Variants in SPO11 observed in about 807,000 individuals in gnomAD.
The protein encoded by SPO11 is meiotic recombination protein SPO11.
Under a neutral mutation model 51.6 loss-of-function variants are expected in SPO11, and 49 were observed. The ratio of observed to expected loss-of-function variants is 0.95; its 90% CI spans 0.75 to 1.20. The LOEUF is 1.20. Among genes scored for constraint, SPO11 ranks in the 50% most tolerant of loss-of-function variants. SPO11 has a pLI of 0.00. For synonymous variants in SPO11, 176 were observed against 158.2 expected, an observed-to-expected ratio of 1.11 and a Z score of -0.84; for missense variants, 431 against 473.4, an observed-to-expected ratio of 0.91 and a Z score of 0.83.
At chr20:57,342,693 C>A in intron 11 of SPO11, 36 bp from the exon 12 acceptor site, 1 of 1,391,070 alleles carries the variant, frequency 7.2e-7, no homozygotes, top group South Asian at 1.2e-5. Flanking sequence ...TACAGAAACA[C>A]TTTTTTACTG....
At chr20:57,331,278 C>A (rs904531394) in intron 1 of SPO11, among the ~76,000 whole-genome samples, 2 of 152,148 alleles carry the variant, frequency 1.3e-5, no homozygotes, top group African/African-American at 4.8e-5. Flanking sequence ...AGTGATTAAA[C>A]GTTTTCCTTT....
intron 3 of SPO11, 113 bp from the exon 4 acceptor site, chr20:57,333,574 A>G (rs1356732840): frequency 8.5e-6 from 6 of 707,278 alleles, no homozygotes; most frequent in Non-Finnish European, 1.5e-5. Flanking sequence ...CCCATTTTGG[A>G]AAGATAATTT....
chr20:57,329,883 A>G lies in SPO11; in HGVS notation c.16A>G (p.Met6Val), dbSNP rs1412038117. MAFAP[M>V]GPEASFFDVL... ...GTCTGCCCTCATGGCCTTTGCACCTATGGGGCCCGAGGCCTCGTTCTTCGA... is the reference window on the plus strand; with the variant it reads ...GTCTGCCCTCATGGCCTTTGCACCTGTGGGGCCCGAGGCCTCGTTCTTCGA... Residue 6 changes from methionine (M) to valine (V), a missense_variant, in exon 1 of 13, where the codon ATG becomes GTG. By Grantham distance (21) the Met-to-Val change is conservative. Coordinates refer to ENST00000371263, the MANE Select transcript of SPO11 (RefSeq NM_012444.3). The G allele has an allele frequency of 5.0e-6, 8 of 1,613,692 alleles. No homozygotes were observed. The highest frequency in any genetic ancestry group is 6.8e-6 in the Non-Finnish European group (8 of 1,179,794).
chr20:57,338,475 T>G, intron 9 of SPO11, 100 bp downstream of exon 9: 8 of 834,944 alleles, frequency 9.6e-6, no homozygotes, highest in Non-Finnish European at 1.3e-5. Flanking sequence ...TGAGATTGAG[T>G]CCTGCTCTGT....
chr20:57,340,161 C>A lies in SPO11; in HGVS notation c.942C>A (p.Leu314=). The A allele has an allele frequency of 6.2e-7, 1 of 1,607,388 alleles. No individual in the cohort carries two copies. The highest frequency in any genetic ancestry group is 8.5e-7 in the Non-Finnish European group (1 of 1,173,976). The change falls in exon 11 of 13, where the codon CTC becomes CTA. Residue 314 remains leucine (L), a synonymous_variant. Coordinates refer to ENST00000371263, the MANE Select transcript of SPO11 (RefSeq NM_012444.3). The part of the protein sequence containing the change: ...TVPAIRWLGL[L]PSDLKRLNVP... ...CAGCTATTAGATGGCTTGGTCTTCT[C>A]CCTTCTGATCTTAAAAGGTTAGATA... is the stretch of plus-strand genomic sequence containing the variant.
rs367605105 is a variant in SPO11 at position 57,334,821 on chromosome 20, T to C, written c.582T>C (p.Cys194=). The C allele has an allele frequency of 1.2e-6, 2 of 1,613,814 alleles. No individual in the cohort carries two copies. The highest frequency in any genetic ancestry group is 1.7e-6 in the Non-Finnish European group (2 of 1,179,772). ...YIEEDGTKVN[C]TCGATAVAVP... ...AGGAAGATGGCACCAAAGTGAATTG[T>C]ACCTGTGGTGCAACGGTAAGAAGCA... Residue 194 remains cysteine (C), a synonymous_variant, in exon 6 of 13, where the codon TGT becomes TGC. Transcript: ENST00000371263.
At chr20:57,338,134 C>CA in intron 8 of SPO11, 142 bp from the exon 9 acceptor site, 1 of 645,766 alleles carries the variant, frequency 1.5e-6, no homozygotes, top group East Asian at 2.8e-5. Context: ...TGATCGATCC[C>CA]CCTACCTTGG....
chr20:57,333,565 C>T, intron 3 of SPO11, 122 bp from the exon 4 acceptor site: 1 of 683,486 alleles, frequency 1.5e-6, no homozygotes, highest in East Asian at 2.7e-5. Flanking sequence ...CTTAACCCTC[C>T]CATTTTGGAA....
chr20:57,343,480 C>T lies in SPO11; in HGVS notation c.*20C>T. 6.3e-7 allele frequency: 1 copy of T among 1,581,524 alleles called. No individual in the cohort carries two copies. The highest frequency in any genetic ancestry group is 8.6e-7 in the Non-Finnish European group (1 of 1,169,546). Reference sequence around the variant, plus strand: ...ATATAAAAATAAATCAGAAGAACTTCTGATTGCCAGAGGCTTTTCATTAGT... The same window carrying T: ...ATATAAAAATAAATCAGAAGAACTTTTGATTGCCAGAGGCTTTTCATTAGT... On this transcript the variant is annotated 3_prime_UTR_variant, in exon 13 of 13. Transcript: ENST00000371263.
chr20:57,336,710 C>T (rs534500430), intron 8 of SPO11, among the ~76,000 whole-genome samples: 38 of 152,296 alleles, frequency 2.5e-4, no homozygotes, highest in Non-Finnish European at 4.3e-4. Flanking sequence ...TCCTTTAACC[C>T]TGTTTGACTC....
intron 7 of SPO11, 38 bp from the exon 8 acceptor site, chr20:57,335,760 A>T (rs1240487803): frequency 1.6e-6 from 2 of 1,265,814 alleles, no homozygotes; most frequent in Admixed American, 3.7e-5. Context: ...TTAAATTGAA[A>T]TACTCTTGCT....
At chr20:57,338,446 CTTTT>C (rs113456122) in intron 9 of SPO11, 71 bp downstream of exon 9, 9 of 915,096 alleles carry the variant, frequency 9.8e-6, no homozygotes, top group Admixed American at 5.7e-5. Flanking sequence ...TTTTCTTCCT[CTTTT>C]TTTTTTTTTC....
Position 57,329,858 on chromosome 20 carries a change from G to A in SPO11, c.-10G>A, listed in dbSNP as rs758221386. On this transcript the variant is annotated 5_prime_UTR_variant, in exon 1 of 13. Transcript: ENST00000371263. ...GGGGCTTCTGGAGCTTCTGGCAGCC[G>A]TCTGCCCTCATGGCCTTTGCACCTA... The A allele has an allele frequency of 3.1e-6, 5 of 1,610,650 alleles. No homozygotes were observed. The Admixed American group carries it at 5.0e-5, about 16-fold the overall frequency.
chr20:57,335,435 C>T lies in SPO11; in HGVS notation c.614C>T (p.Ser205Leu), dbSNP rs754164090. 9.9e-6 allele frequency: 16 copies of T among 1,609,832 alleles called. No individual in the cohort carries two copies. The highest frequency in any genetic ancestry group is 4.0e-5 in the African/African-American group (3 of 74,768). The change falls in exon 7 of 13, where the codon TCG (serine) becomes TTG (leucine). Residue 205 changes from serine to leucine, a missense_variant. Physicochemically the swap from Ser to Leu is moderately radical, Grantham distance 145. Transcript: ENST00000371263. ...TTTTAAAAGGCTGTTGCTGTGCCAT[C>T]GAATATTCAAGGAATTCGGAGTATC... ...TCGATAVAVP[S>L]NIQGIRNLVT...
rs903607349 is a variant in SPO11 at position 57,335,466 on chromosome 20, A to G, written c.634+11A>G. On this transcript the variant is annotated intron_variant, in intron 7 of 12. Coordinates refer to ENST00000371263, the MANE Select transcript of SPO11 (RefSeq NM_012444.3). ...TTCAAGGAATTCGGAGTATCCTTTA[A>G]GTGGGAAAACTATTTAAACTTTTGG... is the stretch of plus-strand genomic sequence containing the variant. 2.5e-6 allele frequency: 4 copies of G among 1,608,904 alleles called. No individual in the cohort carries two copies. Among genetic ancestry groups the G allele is most frequent in the African/African-American group, 2.7e-5 (2 of 74,668 alleles).
intron 4 of SPO11, 31 bp from the exon 5 acceptor site, chr20:57,333,955 TA>T: frequency 7.9e-7 from 1 of 1,270,324 alleles, no homozygotes. Context: ...AGAATATAGT[TA>T]ATTAAAAATA....
intron 12 of SPO11, 115 bp from the exon 13 acceptor site, chr20:57,343,226 T>C: frequency 7.9e-7 from 1 of 1,261,388 alleles, no homozygotes; most frequent in Non-Finnish European, 1.1e-6. Context: ...GGCTGACCCT[T>C]AAGACTATTG....
chr20:57,333,091 G>A, intron 2 of SPO11, 97 bp from the exon 3 acceptor site: 2 of 814,568 alleles, frequency 2.5e-6, no homozygotes, highest in Non-Finnish European at 3.9e-6. Flanking sequence ...AAGAAATGTG[G>A]GTTTTAAATG....
intron 8 of SPO11, 133 bp from the exon 9 acceptor site, chr20:57,338,143 G>A: frequency 1.5e-6 from 1 of 672,896 alleles, no homozygotes; most frequent in Non-Finnish European, 2.5e-6. Flanking sequence ...CCCCTACCTT[G>A]GCCTCCCAAC....
Sources: allele counts gnomAD v4.1 joint callset (sites outside exome capture counted in the v4.1 genomes callset), GRCh38; gene constraint gnomAD v4.1.1; transcripts MANE v1.5; gene names NCBI Gene and HGNC (gene_info 2026-07-23, HGNC 2026-07-21).